Variants in CREB5 observed in about 807,000 individuals in gnomAD.
CREB5 encodes cyclic AMP-responsive element-binding protein 5.
Under a neutral mutation model 57.1 loss-of-function variants are expected in CREB5, and 19 were observed. The ratio of observed to expected loss-of-function variants is 0.33; its 90% CI spans 0.23 to 0.49. The LOEUF (loss-of-function observed/expected upper bound fraction) is 0.49, where lower values mean the gene tolerates loss of function less well. Among genes scored for constraint, CREB5 ranks in the 20% least tolerant of loss-of-function variants. The probability of loss-of-function intolerance (pLI) is 0.99; values close to 1 mark genes in which losing one functional copy is unlikely to be tolerated. For synonymous variants in CREB5, 238 were observed against 238.3 expected (o/e 1.00, Z 0.01); for missense variants, 579 against 671.6 (o/e 0.86, Z 1.52).
chr7:28,413,500 C>T (rs1428776047), intron 1 of CREB5, among the ~76,000 whole-genome samples: 4 of 152,012 alleles, frequency 2.6e-5, no homozygotes, highest in Admixed American at 6.5e-5. Flanking sequence ...ATATGGATCT[C>T]TTATTTTTAA....
rs190067444 is a variant in CREB5, at chr7:28,438,432, C to T, written c.3+25515C>T. On this transcript the variant is annotated intron_variant, in intron 1 of 10. Coordinates refer to ENST00000357727, the MANE Select transcript of CREB5 (RefSeq NM_182898.4). Reference sequence around the variant, plus strand: ...TCCCCAACTTGACCATATAGGGCCTCTCGGTTTTTCCTTACTTTTATATTT... The same window carrying T: ...TCCCCAACTTGACCATATAGGGCCTTTCGGTTTTTCCTTACTTTTATATTT... Among the ~76,000 whole-genome samples, 294 of 152,120 alleles carry T rather than the reference C, an allele frequency of 1.9e-3. 3 individuals are homozygous for T. Among genetic ancestry groups the T allele is most frequent in the Middle Eastern group, 0.01 (3 of 294 alleles).
chr7:28,812,994 T>A (rs1433565142), intron 9 of CREB5, among the ~76,000 whole-genome samples: 2 of 152,094 alleles, frequency 1.3e-5, no homozygotes, highest in Admixed American at 1.3e-4. Flanking sequence ...GAAAACAAAA[T>A]CAAACTCCCA....
At chr7:28,791,321 T>G (rs1338156091) in intron 7 of CREB5, among the ~76,000 whole-genome samples, 3 of 152,246 alleles carry the variant, frequency 2.0e-5, no homozygotes, top group Non-Finnish European at 4.4e-5. Context: ...TGACTTGCTT[T>G]CTTTCTTGCT....
At chr7:28,488,348 T>A in intron 2 of CREB5, 102 bp downstream of exon 2, 1 of 966,156 alleles carries the variant, frequency 1.0e-6, no homozygotes, top group African/African-American at 1.6e-5. Flanking sequence ...TTTCCTTCTT[T>A]ACCAAGACAC....
At chr7:28,620,150 A>G (rs988629633) in intron 5 of CREB5, among the ~76,000 whole-genome samples, 3 of 152,220 alleles carry the variant, frequency 2.0e-5, no homozygotes, top group Non-Finnish European at 4.4e-5. Flanking sequence ...AAGGGAAACA[A>G]TTTTTGCAGT....
At chr7:28,475,184 A>G (rs1246901058) in intron 1 of CREB5, among the ~76,000 whole-genome samples, 1 of 150,198 alleles carries the variant, frequency 6.7e-6, no homozygotes, top group East Asian at 2.0e-4. Context: ...TGACCAGATC[A>G]TTGATTATAT....
At chr7:28,694,114 G>A (rs1248340535) in intron 5 of CREB5, among the ~76,000 whole-genome samples, 1 of 152,168 alleles carries the variant, frequency 6.6e-6, no homozygotes, top group Non-Finnish European at 1.5e-5. Flanking sequence ...AGATGGCATA[G>A]AGTAACTTCT....
At chr7:28,636,295 G>C (rs930271146) in intron 5 of CREB5, among the ~76,000 whole-genome samples, 1 of 152,124 alleles carries the variant, frequency 6.6e-6, no homozygotes, top group South Asian at 2.1e-4. Context: ...AGGGAGGAGG[G>C]ATATGGAGGA....
chr7:28,445,763 G>A (rs376881588), intron 1 of CREB5, among the ~76,000 whole-genome samples: 114 of 151,824 alleles, frequency 7.5e-4, no homozygotes, highest in Middle Eastern at 3.4e-3. Context: ...GTGTTAGCCA[G>A]GATGATCTCG....
At chr7:28,339,215 C>G (rs10249599) in intron 1 of CREB5, among the ~76,000 whole-genome samples, 115,288 of 151,942 alleles carry the variant, frequency 0.76, 43,834 homozygotes, top group Admixed American at 0.77. Context: ...GAAGAGTTAG[C>G]TATTTGTTGA....
intron 5 of CREB5, among the ~76,000 whole-genome samples, chr7:28,630,915 A>G (rs553655870): frequency 1.5e-4 from 23 of 152,284 alleles, no homozygotes; most frequent in African/African-American, 5.5e-4. Flanking sequence ...ACAGAACGCT[A>G]TGAGGTACGT....
rs1022404138 is a variant in CREB5, at chr7:28,611,727, G to A, written c.464+41190G>A. On this transcript the variant is annotated intron_variant, in intron 5 of 10. Coordinates refer to ENST00000357727, the MANE Select transcript of CREB5 (RefSeq NM_182898.4). ...AAATAAATAAATAAAATATATATGT[G>A]CGAGGTAGGGAGTGGGGTGAAGAAG... 2.0e-5 allele frequency among the ~76,000 whole-genome samples: 3 copies of A among 149,946 alleles called. No individual in the cohort carries two copies. The South Asian group carries it at 6.3e-4, about 32-fold the overall frequency.
chr7:28,599,975 A>T (rs1796851540), intron 5 of CREB5, among the ~76,000 whole-genome samples: 1 of 152,152 alleles, frequency 6.6e-6, no homozygotes, highest in Non-Finnish European at 1.5e-5. Context: ...TAATTGAGTT[A>T]TTAAAAGCAA....
chr7:28,424,365 A>G (rs989445159), intron 1 of CREB5, among the ~76,000 whole-genome samples: 2 of 152,214 alleles, frequency 1.3e-5, no homozygotes, highest in East Asian at 3.9e-4. Context: ...CTAGGAGAAC[A>G]AGCAGATTGG....
chr7:28,799,040 C>A (rs1396090821), intron 7 of CREB5, among the ~76,000 whole-genome samples: 1 of 152,202 alleles, frequency 6.6e-6, no homozygotes, highest in African/African-American at 2.4e-5. Flanking sequence ...ATTTACAGTG[C>A]AACTGTGACT....
chr7:28,564,160 A>G (rs1583636713), intron 4 of CREB5, among the ~76,000 whole-genome samples: 1 of 152,350 alleles, frequency 6.6e-6, no homozygotes, highest in East Asian at 1.9e-4. Flanking sequence ...GAAAGTCTTC[A>G]TAACTGCCCA....
At chr7:28,470,666 G>C (rs1790768064) in intron 1 of CREB5, among the ~76,000 whole-genome samples, 2 of 152,174 alleles carry the variant, frequency 1.3e-5, no homozygotes, top group Non-Finnish European at 2.9e-5. Flanking sequence ...GTTGTCCACA[G>C]TGATTGTACT....
intron 5 of CREB5, among the ~76,000 whole-genome samples, chr7:28,592,412 C>T (rs1224238896): frequency 6.6e-6 from 1 of 152,106 alleles, no homozygotes; most frequent in Non-Finnish European, 1.5e-5. Context: ...AAGCAGCAGG[C>T]GCTTTTACTT....
At chr7:28,375,616 AT>A (rs1471777101) in intron 1 of CREB5, among the ~76,000 whole-genome samples, 14 of 152,014 alleles carry the variant, frequency 9.2e-5, no homozygotes, top group African/African-American at 3.1e-4. Context: ...AAAAAAACAG[AT>A]TTCTTCAGGG....
Sources: allele counts gnomAD v4.1 joint callset (sites outside exome capture counted in the v4.1 genomes callset), GRCh38; gene constraint gnomAD v4.1.1; transcripts MANE v1.5; gene names NCBI Gene and HGNC (gene_info 2026-07-23, HGNC 2026-07-21).